Variants in BNC2 observed in about 807,000 individuals in gnomAD.
The protein encoded by BNC2 is zinc finger protein basonuclin-2.
In BNC2, 20 loss-of-function variants were observed where a neutral mutation model predicts 76.3. The ratio of observed to expected loss-of-function variants is 0.26; its 90% CI spans 0.18 to 0.38. The LOEUF (loss-of-function observed/expected upper bound fraction) is 0.38, where lower values mean the gene tolerates loss of function less well. Among genes scored for constraint, BNC2 ranks in the 10% least tolerant of loss-of-function variants. The pLI is 1.00. For synonymous variants in BNC2, 582 were observed against 514.8 expected (o/e 1.13, Z -1.77); for missense variants, 1,382 against 1,399.8 (o/e 0.99, Z 0.20).
At chr9:16,475,771 C>T (rs1821915210) in intron 5 of BNC2, among the ~76,000 whole-genome samples, 1 of 152,164 alleles carries the variant, frequency 6.6e-6, no homozygotes. Context: ...GAAAAGTCTC[C>T]AAACTGCCTA....
In BNC2 at chr9:16,753,079, GT is replaced by G. The variant is rs1563927613; in HGVS notation, c.4-14595del. Among the ~76,000 whole-genome samples the G allele has an allele frequency of 2.0e-5, 3 of 152,310 alleles. No homozygotes were observed. The South Asian group carries it at 6.2e-4, about 32-fold the overall frequency. On this transcript the variant is annotated intron_variant, in intron 1 of 6. Coordinates refer to ENST00000380672, the MANE Select transcript of BNC2 (RefSeq NM_017637.6). ...GAAGCAAAGTAGATGACCTGAAACT[GT>G]GTATTTTAACAGATCTCATTGACTC...
rs201643868 is a variant in BNC2 at position 16,552,634 on chromosome 9, G to C, written c.565C>G (p.Leu189Val). Residue 189 changes from leucine (L) to valine (V), a missense_variant, in exon 5 of 7, where the codon CTG becomes GTG. Physicochemically the swap from Leu to Val is conservative, Grantham distance 32 (BLOSUM62 1). Transcript: ENST00000380672. The part of the protein sequence containing the change: ...TQAVPVRLKI[L>V]LDRLFSVLKQ... Reference sequence around the variant, plus strand: ...AGGACGCTGAAGAGACGGTCCAGCAGGATCTTTAGCCGCACAGGCACTGCT... The same window carrying C: ...AGGACGCTGAAGAGACGGTCCAGCACGATCTTTAGCCGCACAGGCACTGCT... The C allele has an allele frequency of 4.3e-6, 7 of 1,614,214 alleles. No homozygotes were observed. In the Admixed American group the frequency reaches 8.3e-5, roughly 19 times the overall value.
intron 3 of BNC2, among the ~76,000 whole-genome samples, chr9:16,616,837 A>AAGGAAGGAAGGCAGGC (rs1431416345): frequency 2.0e-5 from 3 of 149,932 alleles, no homozygotes; most frequent in African/African-American, 4.9e-5. Flanking sequence ...GGAAGGAAGG[A>AAGGAAGGAAGGCAGGC]AGTTCTACTG....
At chr9:16,473,222 A>G (rs1232230775) in intron 5 of BNC2, 1 of 152,238 alleles carries the variant, frequency 6.6e-6, no homozygotes, top group East Asian at 1.9e-4. Flanking sequence ...GTGGAATGCC[A>G]TGGACGAAGA....
At chr9:16,811,230 C>CAAAAAAAAAAAAAAAAAAAAAA (rs58068661) in intron 1 of BNC2, among the ~76,000 whole-genome samples, 2 of 97,542 alleles carry the variant, frequency 2.1e-5, no homozygotes, top group Non-Finnish European at 4.3e-5. Context: ...CTCAAAAGAC[C>CAAAAAAAAAAAAAAAAAAAAAA]AAAAAAAAAA....
chr9:16,506,013 T>C (rs932919630), intron 5 of BNC2, among the ~76,000 whole-genome samples: 23 of 152,312 alleles, frequency 1.5e-4, no homozygotes, highest in African/African-American at 5.3e-4. Flanking sequence ...TTTTCACTTT[T>C]AGTCCAAAGA....
intron 1 of BNC2, among the ~76,000 whole-genome samples, chr9:16,816,190 G>T (rs1482759727): frequency 6.6e-6 from 1 of 152,080 alleles, no homozygotes; most frequent in Non-Finnish European, 1.5e-5. Context: ...TTGAGACATT[G>T]TTCTGGCCAA....
chr9:16,503,131 A>G (rs1822555604), intron 5 of BNC2, among the ~76,000 whole-genome samples: 1 of 152,194 alleles, frequency 6.6e-6, no homozygotes, highest in Non-Finnish European at 1.5e-5. Flanking sequence ...AGAAAAACAG[A>G]AAAGAATATA....
At chr9:16,468,394 T>A (rs1028305928) in intron 5 of BNC2, among the ~76,000 whole-genome samples, 1 of 151,968 alleles carries the variant, frequency 6.6e-6, no homozygotes, top group Non-Finnish European at 1.5e-5. Flanking sequence ...ATCTTTATTT[T>A]TTTTTATTTT....
At chr9:16,766,375 G>T (rs1193186811) in intron 1 of BNC2, among the ~76,000 whole-genome samples, 1 of 152,100 alleles carries the variant, frequency 6.6e-6, no homozygotes, top group Non-Finnish European at 1.5e-5. Flanking sequence ...CGCAGCTGCT[G>T]ATTTTTTAAT....
intron 1 of BNC2, among the ~76,000 whole-genome samples, chr9:16,785,152 A>G (rs564553872): frequency 1.3e-5 from 2 of 152,306 alleles, no homozygotes; most frequent in South Asian, 4.1e-4. Context: ...GCTGAACCCA[A>G]CTACCCACTA....
chr9:16,689,214 A>T (rs572204377), intron 3 of BNC2, among the ~76,000 whole-genome samples: 1 of 152,174 alleles, frequency 6.6e-6, no homozygotes, highest in Admixed American at 6.5e-5. Context: ...TCTGAAAAGA[A>T]GACATAAAAA....
chr9:16,744,192 A>G (rs1263991337), intron 1 of BNC2, among the ~76,000 whole-genome samples: 1 of 151,978 alleles, frequency 6.6e-6, no homozygotes, highest in African/African-American at 2.4e-5. Context: ...GATGGTCTCA[A>G]TCTCCTGACC....
chr9:16,697,157 G>A (rs971937706), intron 3 of BNC2, among the ~76,000 whole-genome samples: 15 of 150,392 alleles, frequency 1.0e-4, no homozygotes, highest in Non-Finnish European at 1.3e-4. Flanking sequence ...TCAGGATTTC[G>A]AGACCAGCCT....
At chr9:16,698,771 G>C (rs1375362509) in intron 3 of BNC2, among the ~76,000 whole-genome samples, 1 of 151,820 alleles carries the variant, frequency 6.6e-6, no homozygotes. Context: ...TTTTTTAAAA[G>C]TCACATATAC....
intron 4 of BNC2, among the ~76,000 whole-genome samples, chr9:16,570,798 T>C (rs1819301077): frequency 6.6e-6 from 1 of 152,160 alleles, no homozygotes; most frequent in Non-Finnish European, 1.5e-5. Context: ...TCTTTTGGGA[T>C]TTAGACCATT....
At chr9:16,860,187 TA>T (rs2136202444) in intron 1 of BNC2, among the ~76,000 whole-genome samples, 1 of 152,008 alleles carries the variant, frequency 6.6e-6, no homozygotes. Context: ...AATTGCTTTT[TA>T]AAAAGTCAAC....
intron 1 of BNC2, among the ~76,000 whole-genome samples, chr9:16,748,751 G>A (rs886398360): frequency 7.7e-5 from 11 of 142,038 alleles, no homozygotes; most frequent in Admixed American, 1.5e-4. Context: ...GCTGAGGCAA[G>A]AGAATTGCTA....
rs945282214 is a variant in BNC2, at chr9:16,415,342, T to C, written c.*3647A>G. ...ACCTGATATTTACAAAAACATAGTT[T>C]TAAATGATCAAGACAGTACAAGTTT... On this transcript the variant is annotated 3_prime_UTR_variant, in exon 7 of 7. Coordinates refer to ENST00000380672, the MANE Select transcript of BNC2 (RefSeq NM_017637.6). The C allele has an allele frequency of 1.3e-5, 2 of 149,684 alleles. No individual in the cohort carries two copies. The highest frequency in any genetic ancestry group is 2.9e-5 in the Non-Finnish European group (2 of 67,898). The allele number at this position is 149,684 out of a possible 1,614,324, so 9.3% of individuals were successfully genotyped here. A position where few individuals can be genotyped will look rare whatever the true frequency, so the allele number is the denominator to read the frequency against.
Sources: allele counts gnomAD v4.1 joint callset (sites outside exome capture counted in the v4.1 genomes callset), GRCh38; gene constraint gnomAD v4.1.1; transcripts MANE v1.5; gene names NCBI Gene and HGNC (gene_info 2026-07-23, HGNC 2026-07-21).